Variants in SLC13A1 observed in about 807,000 individuals in gnomAD.
SLC13A1 encodes the protein solute carrier family 13 member 1, also known as Na(+)/sulfate cotransporter.
A neutral mutation model predicts 70.0 loss-of-function variants in SLC13A1; 65 were observed. The observed-to-expected ratio is 0.93, with a 90% CI of 0.76 to 1.14. The LOEUF is 1.14. Ranked by LOEUF, SLC13A1 falls within the 50% of genes most tolerant of loss-of-function variation. The pLI is 0.00. For missense variants in SLC13A1, 726 were observed against 717.8 expected, an observed-to-expected ratio of 1.01 and a Z score of -0.13; for synonymous variants, 275 against 250.5, an observed-to-expected ratio of 1.10 and a Z score of -0.92.
At chr7:123,131,804 T>A (rs530626448) in intron 8 of SLC13A1, among the ~76,000 whole-genome samples, 113 of 152,340 alleles carry the variant, frequency 7.4e-4, no homozygotes, top group African/African-American at 2.7e-3. Context: ...ATACCACTCA[T>A]CATGATTTAC....
chr7:123,145,291 T>C (rs994701861), intron 7 of SLC13A1, among the ~76,000 whole-genome samples: 1 of 152,166 alleles, frequency 6.6e-6, no homozygotes, highest in Non-Finnish European at 1.5e-5. Flanking sequence ...TAAGCTAATA[T>C]ATGGTGAGCT....
chr7:123,180,031 G>C (rs1232611631), intron 2 of SLC13A1, among the ~76,000 whole-genome samples: 1 of 152,108 alleles, frequency 6.6e-6, no homozygotes, highest in Non-Finnish European at 1.5e-5. Context: ...AGGAACTGAA[G>C]TACAGCCCTG....
At chr7:123,190,370 C>T (rs1052761463) in intron 1 of SLC13A1, 4 of 334,320 alleles carry the variant, frequency 1.2e-5, no homozygotes, top group Non-Finnish European at 2.4e-5. Flanking sequence ...ACAAGGCTAC[C>T]TCAGATGCAA....
In SLC13A1 at chr7:123,134,387, A is replaced by T. The variant is rs746429179; in HGVS notation, c.932+23T>A. The T allele has an allele frequency of 8.1e-6, 13 of 1,609,090 alleles. No homozygotes were observed. In the Admixed American group the frequency reaches 2.2e-4, roughly 27 times the overall value. On this transcript the variant is annotated intron_variant, in intron 8 of 14. Coordinates refer to ENST00000194130, the MANE Select transcript of SLC13A1 (RefSeq NM_022444.4). ...GAACCTAGACACCTTTATTTAGCCTATTAACATGAAATATTTACTTACTTG... is the reference window on the plus strand; with the variant it reads ...GAACCTAGACACCTTTATTTAGCCTTTTAACATGAAATATTTACTTACTTG...
At chr7:123,172,029 G>A (rs2116565522) in intron 2 of SLC13A1, 125 bp from the exon 3 acceptor site, 1 of 808,578 alleles carries the variant, frequency 1.2e-6, no homozygotes, top group Non-Finnish European at 1.9e-6. Flanking sequence ...ATTTTGTTGA[G>A]AAAAATGTAG....
chr7:123,196,695 T>C (rs1232124548), intron 1 of SLC13A1, among the ~76,000 whole-genome samples: 1 of 152,070 alleles, frequency 6.6e-6, no homozygotes, highest in Non-Finnish European at 1.5e-5. Context: ...TCTACCTTAA[T>C]GACATTGCGT....
chr7:123,184,275 G>A (rs979906834), intron 1 of SLC13A1, among the ~76,000 whole-genome samples: 41 of 152,012 alleles, frequency 2.7e-4, no homozygotes, highest in Non-Finnish European at 3.4e-4. Flanking sequence ...TATTATCTTT[G>A]TGCTGAGAAC....
chr7:123,119,341 C>G, intron 12 of SLC13A1, 99 bp from the exon 13 acceptor site: 1 of 871,256 alleles, frequency 1.1e-6, no homozygotes, highest in Non-Finnish European at 1.7e-6. Context: ...TGAAAACTCA[C>G]TTTCTAAAAT....
At chr7:123,176,544 C>G (rs1209285582) in intron 2 of SLC13A1, among the ~76,000 whole-genome samples, 1 of 152,156 alleles carries the variant, frequency 6.6e-6, no homozygotes. Flanking sequence ...AGTTCAGCAA[C>G]CTTTCTACAA....
intron 7 of SLC13A1, among the ~76,000 whole-genome samples, chr7:123,145,888 T>G (rs1794332555): frequency 6.6e-6 from 1 of 152,154 alleles, no homozygotes; most frequent in Admixed American, 6.5e-5. Flanking sequence ...ATTTTGCAAA[T>G]AATTTCAGAA....
intron 6 of SLC13A1, among the ~76,000 whole-genome samples, chr7:123,158,480 C>CA (rs1361759149): frequency 6.6e-6 from 1 of 151,876 alleles, no homozygotes; most frequent in Non-Finnish European, 1.5e-5. Context: ...TGAGAAAGTG[C>CA]AGAATGTTTA....
At chr7:123,190,593 T>C (rs2116664324) in intron 1 of SLC13A1, 2 of 456,688 alleles carry the variant, frequency 4.4e-6, no homozygotes, top group East Asian at 7.0e-5. Flanking sequence ...TTCATCTTCA[T>C]CTTGGAAAAG....
rs1370350389 is a variant in SLC13A1 at position 123,122,294 on chromosome 7, CAGTTCTCTCACCATTCT to C, written c.1350+815_1350+831del. Reference sequence around the variant, plus strand: ...CTGGAAGCCAAAGGGCTGAACATGACAGTTCTCTCACCATTCTGTTCAATTTGATGACTGAGTAAGGA... The same window carrying C: ...CTGGAAGCCAAAGGGCTGAACATGACGTTCAATTTGATGACTGAGTAAGGA... On this transcript the variant is annotated intron_variant, in intron 12 of 14. Coordinates refer to ENST00000194130, the MANE Select transcript of SLC13A1 (RefSeq NM_022444.4). Among the ~76,000 whole-genome samples the C allele has an allele frequency of 5.3e-5, 8 of 152,210 alleles. No homozygotes were observed. In the East Asian group the frequency reaches 1.5e-3, roughly 29 times the overall value.
chr7:123,168,687 A>G (rs938195694), intron 4 of SLC13A1, 126 bp from the exon 5 acceptor site: 3 of 651,748 alleles, frequency 4.6e-6, no homozygotes, highest in African/African-American at 1.8e-5. Flanking sequence ...GTGTACTAAC[A>G]TAACAGTCAT....
intron 2 of SLC13A1, among the ~76,000 whole-genome samples, chr7:123,174,998 A>G (rs752727254): frequency 2.6e-5 from 4 of 151,954 alleles, no homozygotes; most frequent in Non-Finnish European, 4.4e-5. Flanking sequence ...AGTACATCTT[A>G]ATTTATATAT....
rs188163086 is a variant in SLC13A1, at chr7:123,138,170, G to A, written c.813-3641C>T. ...CCACAAATCAGTGAGAACATGTAAT[G>A]TCTTTCTGGACCTGGTTTATTTCAC... On this transcript the variant is annotated intron_variant, in intron 7 of 14. Coordinates refer to ENST00000194130, the MANE Select transcript of SLC13A1 (RefSeq NM_022444.4). Among the ~76,000 whole-genome samples, 598 of 152,242 alleles carry A rather than the reference G, an allele frequency of 3.9e-3. 1 individual carries two copies. Among genetic ancestry groups the A allele is most frequent in the Non-Finnish European group, 6.6e-3 (451 of 68,018 alleles).
chr7:123,158,182 A>C (rs1794775398), intron 6 of SLC13A1, among the ~76,000 whole-genome samples: 3 of 152,058 alleles, frequency 2.0e-5, no homozygotes, highest in African/African-American at 7.2e-5. Context: ...AAATCAAAGA[A>C]AGAGACCCAC....
In SLC13A1 at chr7:123,198,292, A is replaced by C. The variant is rs551919697; in HGVS notation, c.99+1556T>G. On this transcript the variant is annotated intron_variant, in intron 1 of 14. Coordinates refer to ENST00000194130, the MANE Select transcript of SLC13A1 (RefSeq NM_022444.4). ...GATTCATATAGGAGACCTCACAAGG[A>C]GCCGGGGTGGGAGTGGCAGGGTGGG... Among the ~76,000 whole-genome samples the C allele has an allele frequency of 2.9e-3, 427 of 147,914 alleles. 4 individuals carry two copies. The highest frequency in any genetic ancestry group is 9.5e-3 in the African/African-American group (388 of 40,744).
At chr7:123,149,594 G>C (rs1794484885) in intron 6 of SLC13A1, 1 of 456,350 alleles carries the variant, frequency 2.2e-6, no homozygotes, top group Admixed American at 2.4e-5. Context: ...GTCTAAAGCT[G>C]TTTTTTGGTC....
Sources: allele counts gnomAD v4.1 joint callset (sites outside exome capture counted in the v4.1 genomes callset), GRCh38; gene constraint gnomAD v4.1.1; transcripts MANE v1.5; gene names NCBI Gene and HGNC (gene_info 2026-07-23, HGNC 2026-07-21).